Variants in CCDC7 observed in about 807,000 individuals in gnomAD.
CCDC7 encodes coiled-coil domain containing 7, also known as coiled-coil domain-containing protein 7.
Under a neutral mutation model 196.9 loss-of-function variants are expected in CCDC7, and 183 were observed. That is an observed-to-expected ratio of 0.93 (90% CI 0.82 to 1.05). CCDC7 has a LOEUF of 1.05. Ranked by LOEUF, CCDC7 falls within the 50% of genes least tolerant of loss-of-function variation. The pLI is 0.00. For synonymous variants in CCDC7, 525 were observed against 484.6 expected, an observed-to-expected ratio of 1.08 and a Z score of -1.10; for missense variants, 1,540 against 1,482.2, an observed-to-expected ratio of 1.04 and a Z score of -0.64.
intron 9 of CCDC7, among the ~76,000 whole-genome samples, chr10:32,505,427 C>A (rs2044760317): frequency 6.6e-6 from 1 of 152,078 alleles, no homozygotes; most frequent in Admixed American, 6.6e-5. Flanking sequence ...CAAAGCACAT[C>A]TTGCACCACC....
At chr10:32,770,611 A>G (rs929103081) in intron 28 of CCDC7, among the ~76,000 whole-genome samples, 3 of 152,140 alleles carry the variant, frequency 2.0e-5, no homozygotes, top group Admixed American at 1.3e-4. Context: ...AGAATTTACT[A>G]TAGATACCCA....
intron 41 of CCDC7, among the ~76,000 whole-genome samples, chr10:32,855,956 G>T (rs975502248): frequency 6.6e-6 from 1 of 152,132 alleles, no homozygotes; most frequent in East Asian, 1.9e-4. Flanking sequence ...TTTTACAAGA[G>T]TGCTAAGACT....
intron 28 of CCDC7, among the ~76,000 whole-genome samples, chr10:32,735,144 G>T (rs929218563): frequency 1.3e-5 from 2 of 152,048 alleles, no homozygotes; most frequent in African/African-American, 4.8e-5. Context: ...CATTAATTAG[G>T]TGCAAAACAA....
chr10:32,763,998 ATATAT>A (rs1247038065), intron 28 of CCDC7, among the ~76,000 whole-genome samples: 3 of 151,916 alleles, frequency 2.0e-5, no homozygotes, highest in Non-Finnish European at 4.4e-5. Flanking sequence ...GAGGTGATAG[ATATAT>A]TAATTAACTT....
intron 20 of CCDC7, among the ~76,000 whole-genome samples, chr10:32,660,638 C>T (rs2071142565): frequency 6.6e-6 from 1 of 151,484 alleles, no homozygotes; most frequent in African/African-American, 2.4e-5. Context: ...TGGGTATATA[C>T]CCAGTAATGG....
intron 9 of CCDC7, chr10:32,512,872 T>C (rs533638891): frequency 6.3e-4 from 96 of 152,246 alleles, no homozygotes; most frequent in African/African-American, 2.3e-3. Context: ...TCAGGGAAGA[T>C]ATAAGACAAA....
chr10:32,682,245 G>A (rs1004536484), intron 21 of CCDC7, among the ~76,000 whole-genome samples: 1 of 152,272 alleles, frequency 6.6e-6, no homozygotes, highest in African/African-American at 2.4e-5. Flanking sequence ...CAATGTTTAA[G>A]TGTACCCACT....
At chr10:32,722,396 G>A (rs2082544418) in intron 25 of CCDC7, among the ~76,000 whole-genome samples, 1 of 152,112 alleles carries the variant, frequency 6.6e-6, no homozygotes. Flanking sequence ...CCATTACAAA[G>A]TACCCACAAA....
chr10:32,562,769 A>T (rs971269145), intron 13 of CCDC7, among the ~76,000 whole-genome samples: 4 of 151,994 alleles, frequency 2.6e-5, no homozygotes, highest in African/African-American at 7.3e-5. Context: ...CACCACTCCT[A>T]TTCAACATAG....
At chr10:32,709,853 G>A (rs2080514088) in intron 24 of CCDC7, among the ~76,000 whole-genome samples, 1 of 152,076 alleles carries the variant, frequency 6.6e-6, no homozygotes, top group Non-Finnish European at 1.5e-5. Flanking sequence ...TCTGAGACTT[G>A]TTAAAAATCT....
At chr10:32,834,240 T>G (rs2092431055) in intron 32 of CCDC7, among the ~76,000 whole-genome samples, 1 of 152,026 alleles carries the variant, frequency 6.6e-6, no homozygotes, top group East Asian at 1.9e-4. Context: ...TGTCACATAA[T>G]TTGTAGTTAC....
At chr10:32,722,615 G>A (rs981879064) in intron 25 of CCDC7, among the ~76,000 whole-genome samples, 1 of 151,982 alleles carries the variant, frequency 6.6e-6, no homozygotes, top group East Asian at 1.9e-4. Flanking sequence ...GTGTGTGTGG[G>A]TGCTCCAATT....
chr10:32,482,085 T>A (rs1403224268), intron 8 of CCDC7, among the ~76,000 whole-genome samples: 1 of 152,070 alleles, frequency 6.6e-6, no homozygotes, highest in African/African-American at 2.4e-5. Context: ...TCAAATAAGC[T>A]TTCTGCCCCT....
intron 13 of CCDC7, among the ~76,000 whole-genome samples, chr10:32,561,032 T>C (rs1398527858): frequency 2.1e-5 from 1 of 46,986 alleles, no homozygotes; most frequent in Admixed American, 3.1e-4. Flanking sequence ...TAGTCTCTGA[T>C]AAAACAGACT....
chr10:32,694,434 A>G (rs2077451000), intron 23 of CCDC7, among the ~76,000 whole-genome samples: 1 of 152,216 alleles, frequency 6.6e-6, no homozygotes. Context: ...GCTTAAGGTC[A>G]CAGTTTCCAA....
At chr10:32,846,570 G>T in intron 37 of CCDC7, 111 bp downstream of exon 38, 1 of 597,252 alleles carries the variant, frequency 1.7e-6, no homozygotes. Flanking sequence ...TGTTACATAG[G>T]TAAAATTCAT....
chr10:32,544,424 C>CTG (rs1408527150), intron 13 of CCDC7, 123 bp downstream of exon 14: 25 of 890,730 alleles, frequency 2.8e-5, no homozygotes, highest in South Asian at 1.1e-4. Flanking sequence ...GTGTATGTGT[C>CTG]TCTGTGTGTG....
chr10:32,801,850 C>T (rs1038387780), intron 29 of CCDC7, among the ~76,000 whole-genome samples: 2 of 152,172 alleles, frequency 1.3e-5, no homozygotes, highest in Non-Finnish European at 2.9e-5. Context: ...GATGTTGCCA[C>T]CACTTGGAGT....
At chr10:32,740,222 C>CT (rs1397196669) in intron 28 of CCDC7, among the ~76,000 whole-genome samples, 7 of 152,096 alleles carry the variant, frequency 4.6e-5, no homozygotes, top group Non-Finnish European at 8.8e-5. Context: ...ATAATAAAGC[C>CT]TGTGTTAGTT....
Sources: allele counts gnomAD v4.1 joint callset (sites outside exome capture counted in the v4.1 genomes callset), GRCh38; gene constraint gnomAD v4.1.1; transcripts MANE v1.5; gene names NCBI Gene and HGNC (gene_info 2026-07-23, HGNC 2026-07-21).